The following BRME1 variants were observed in gnomAD, a reference collection of about 807,000 sequenced individuals.
The protein encoded by BRME1 is BRCA2 and MEILB2-associating protein 1.
A neutral mutation model predicts 52.6 loss-of-function variants in BRME1; 31 were observed. That is an observed-to-expected ratio of 0.59 (90% CI 0.44 to 0.80). The LOEUF is 0.80. BRME1 is among the 30% of genes least tolerant of loss of function. The pLI, the probability that BRME1 is intolerant of heterozygous loss-of-function variation, is 0.00. For synonymous variants in BRME1, 359 were observed against 353.6 expected (o/e 1.02, Z -0.17); for missense variants, 804 against 860.3 (o/e 0.93, Z 0.82).
chr19:13,888,594 G>T lies in BRME1; in HGVS notation c.1668+594C>A. The stretch of plus-strand genomic sequence containing the variant: ...GGCACCGGCTCTGGAGCCAGAGGAG[G>T]CCACATCCGGGCAGCCGGTGGGGCG... On this transcript the variant is annotated intron_variant, in intron 6 of 8. Coordinates refer to ENST00000586783, the MANE Select transcript of BRME1 (RefSeq NM_001345843.2). The surrounding 1 kb of genome is among the most constrained non-coding windows in gnomAD (Gnocchi z 4.1). 6.6e-6 allele frequency among the ~76,000 whole-genome samples: 1 copy of T among 152,260 alleles called. No individual in the cohort carries two copies. The highest frequency in any genetic ancestry group is 1.5e-5 in the Non-Finnish European group (1 of 68,040).
intron 3 of BRME1, among the ~76,000 whole-genome samples, chr19:13,894,874 C>G (rs1371805863): frequency 6.6e-6 from 1 of 152,050 alleles, no homozygotes; most frequent in African/African-American, 2.4e-5. Flanking sequence ...TATCTTTGCC[C>G]ACAGTTAAAA....
At chr19:13,893,640 T>C (rs552525371) in intron 3 of BRME1, among the ~76,000 whole-genome samples, 1 of 152,294 alleles carries the variant, frequency 6.6e-6, no homozygotes, top group East Asian at 1.9e-4. Flanking sequence ...AAGAGTCTCC[T>C]AGGCTGGGCG....
In BRME1 at chr19:13,892,798, C is replaced by G. The variant is rs1197997640; in HGVS notation, c.381G>C (p.Gly127=). The change falls in exon 5 of 9, where the codon GGG becomes GGC. Residue 127 remains glycine, a synonymous_variant. Transcript: ENST00000586783. Reference sequence around the variant, plus strand: ...TTTAGAGCCTTACCAGGCTAAAGGCCCCACTCCCACGGTCCTCATCCTTCA... The same window carrying G: ...TTTAGAGCCTTACCAGGCTAAAGGCGCCACTCCCACGGTCCTCATCCTTCA... The part of the protein sequence containing the change: ...EEMKDEDRGS[G]AFSLETIAES... The G allele has an allele frequency of 6.2e-7, 1 of 1,613,946 alleles. No individual in the cohort carries two copies. The highest frequency in any genetic ancestry group is 8.5e-7 in the Non-Finnish European group (1 of 1,179,842).
rs1054676138 is a variant in BRME1, at chr19:13,888,209, A to G, written c.1668+979T>C. Among the ~76,000 whole-genome samples, 25 of 143,986 alleles carry G rather than the reference A, an allele frequency of 1.7e-4. No individual in the cohort carries two copies. The highest frequency in any genetic ancestry group is 6.1e-4 in the African/African-American group (24 of 39,416). The allele number at this position is 143,986 out of a possible 152,430, so 94.5% of individuals were successfully genotyped here. ...TGGGAGCCACTGTGCCTGGCCATGA[A>G]TTTTTTTTTTTTTTTTTAACATCTC... On this transcript the variant is annotated intron_variant, in intron 6 of 8. Coordinates refer to ENST00000586783, the MANE Select transcript of BRME1 (RefSeq NM_001345843.2). The surrounding 1 kb of genome is among the most constrained non-coding windows in gnomAD (Gnocchi z 4.1).
chr19:13,883,001 G>A lies in BRME1; in HGVS notation c.1857-49C>T. 6.3e-7 allele frequency: 1 copy of A among 1,587,702 alleles called. No individual in the cohort carries two copies. The highest frequency in any genetic ancestry group is 8.6e-7 in the Non-Finnish European group (1 of 1,168,534). On this transcript the variant is annotated intron_variant, in intron 8 of 8. Transcript: ENST00000586783. This position sits in a 1 kb window ranked among gnomAD's most constrained non-coding sequence, Gnocchi z 4.2. ...GTGTGGGGCTCAGTGGTCACCAGGTGACAGAGGGGGCCGCGCCTCACAGCC... is the reference window on the plus strand; with the variant it reads ...GTGTGGGGCTCAGTGGTCACCAGGTAACAGAGGGGGCCGCGCCTCACAGCC...
chr19:13,893,318 C>T, intron 3 of BRME1, 95 bp from the exon 4 acceptor site: 1 of 1,062,434 alleles, frequency 9.4e-7, no homozygotes, highest in Non-Finnish European at 1.4e-6. Context: ...GCGGGCAGAT[C>T]ACCGAGGCCA....
intron 2 of BRME1, among the ~76,000 whole-genome samples, chr19:13,902,837 A>T (rs1970391325): frequency 6.6e-6 from 1 of 151,670 alleles, no homozygotes; most frequent in South Asian, 2.1e-4. Context: ...AGGCAGGAGA[A>T]TCGCCTGAAC....
chr19:13,895,224 G>T, intron 3 of BRME1, 148 bp downstream of exon 3: 1 of 749,646 alleles, frequency 1.3e-6, no homozygotes, highest in Non-Finnish European at 2.0e-6. Context: ...GGAGAAGCGA[G>T]ATCCGAGGGC....
Position 13,904,896 on chromosome 19 carries a change from A to C in BRME1, c.-4T>G, listed in dbSNP as rs373922537. 1.8e-5 allele frequency: 29 copies of C among 1,613,440 alleles called. No individual in the cohort carries two copies. Among genetic ancestry groups the C allele is most frequent in the African/African-American group, 4.0e-5 (3 of 74,858 alleles). ...GCAGCTTCTTCCTCTTAGTCATTTT[A>C]TCTTCCCCTTGAGAAATCTGAAAAC... On this transcript the variant is annotated 5_prime_UTR_variant, in exon 2 of 9. Coordinates refer to ENST00000586783, the MANE Select transcript of BRME1 (RefSeq NM_001345843.2).
intron 2 of BRME1, among the ~76,000 whole-genome samples, chr19:13,896,701 C>CT (rs527604127): frequency 1.9e-3 from 279 of 149,024 alleles, no homozygotes; most frequent in Admixed American, 3.0e-3. Context: ...TATATTTTTT[C>CT]TTTTTTTAAG....
At chr19:13,886,153 C>T (rs969372955) in intron 6 of BRME1, 98 bp from the exon 7 acceptor site, 27 of 998,414 alleles carry the variant, frequency 2.7e-5, no homozygotes, top group African/African-American at 8.0e-5. Flanking sequence ...GGCTTCACCG[C>T]GGCCACAGCA....
In BRME1 at chr19:13,890,428, CCTGGACTCTGGGCG is replaced by C; in HGVS notation, c.414_427del (p.Ser138ArgfsTer31). The stretch of plus-strand genomic sequence containing the variant: ...CAGGGTCTCCACTAGCAGCTGGCAT[CCTGGACTCTGGGCG>C]CTGGACTCTGCGATTGTTTCCTGTG... On this transcript the variant is annotated frameshift_variant, in exon 6 of 9. Coordinates refer to ENST00000586783, the MANE Select transcript of BRME1 (RefSeq NM_001345843.2). LOFTEE classifies it high-confidence loss of function. 6.6e-7 allele frequency: 1 copy of C among 1,514,448 alleles called. No individual in the cohort carries two copies. The highest frequency in any genetic ancestry group is 1.3e-5 in the South Asian group (1 of 75,306). The allele number at this position is 1,514,448 out of a possible 1,614,324, so 93.8% of individuals were successfully genotyped here.
In BRME1 at chr19:13,895,377, G is replaced by T; in HGVS notation, c.201C>A (p.Val67=). 6.2e-7 allele frequency: 1 copy of T among 1,612,808 alleles called. No individual in the cohort carries two copies. The highest frequency in any genetic ancestry group is 8.5e-7 in the Non-Finnish European group (1 of 1,179,720). ...QQHGEEPGKA[V]SSSPDEETGS... is the part of the protein sequence containing the mutation. The stretch of plus-strand genomic sequence containing the variant: ...GAATGTTCAGAGCCACCTACCTGGA[G>T]ACGGCCTTTCCTGGTTCCTCCCCGT... Residue 67 remains valine (V), a synonymous_variant, in exon 3 of 9, where the codon GTC becomes GTA. Coordinates refer to ENST00000586783, the MANE Select transcript of BRME1 (RefSeq NM_001345843.2).
At chr19:13,901,144 A>ATTT (rs111701966) in intron 2 of BRME1, among the ~76,000 whole-genome samples, 1 of 142,426 alleles carries the variant, frequency 7.0e-6, no homozygotes, top group Admixed American at 7.1e-5. Context: ...GTTAATTAAA[A>ATTT]TTTTTTTTTT....
At chr19:13,896,915 C>T (rs762231369) in intron 2 of BRME1, among the ~76,000 whole-genome samples, 15 of 151,910 alleles carry the variant, frequency 9.9e-5, no homozygotes, top group Non-Finnish European at 1.8e-4. Context: ...CCAGGCTGGT[C>T]GTGAACTCTG....
At chr19:13,892,219 T>C (rs1013309961) in intron 5 of BRME1, among the ~76,000 whole-genome samples, 2 of 152,206 alleles carry the variant, frequency 1.3e-5, no homozygotes, top group Non-Finnish European at 2.9e-5. Context: ...TAGTTATGCA[T>C]GGTGTTACCA....
In BRME1 at chr19:13,889,620, T is replaced by G. The variant is rs1176082436; in HGVS notation, c.1236A>C (p.Leu412=). 5 of 1,609,428 alleles carry G rather than the reference T, an allele frequency of 3.1e-6. No individual in the cohort carries two copies. Among genetic ancestry groups the G allele is most frequent in the Non-Finnish European group, 4.2e-6 (5 of 1,177,504 alleles). Residue 412 remains leucine, a synonymous_variant, in exon 6 of 9, where the codon CTA becomes CTC. Coordinates refer to ENST00000586783, the MANE Select transcript of BRME1 (RefSeq NM_001345843.2). The part of the protein sequence containing the change: ...GQDGKPPGDV[L]VGPTASLALA... ...GAGCCAGGGAGGCTGTAGGGCCCACTAGGACATCGCCGGGGGGCTTGCCAT... is the reference window on the plus strand; with the variant it reads ...GAGCCAGGGAGGCTGTAGGGCCCACGAGGACATCGCCGGGGGGCTTGCCAT...
chr19:13,902,537 G>A (rs1970366734), intron 2 of BRME1, among the ~76,000 whole-genome samples: 1 of 152,004 alleles, frequency 6.6e-6, no homozygotes, highest in South Asian at 2.1e-4. Flanking sequence ...TTGGGAGGCT[G>A]AGGCAGGAGA....
In BRME1 at chr19:13,890,080, C is replaced by G; in HGVS notation, c.776G>C (p.Arg259Thr). 1.2e-6 allele frequency: 2 copies of G among 1,613,834 alleles called. No homozygotes were observed. The highest frequency in any genetic ancestry group is 1.1e-5 in the South Asian group (1 of 91,078). ...RGAPQEGGAQ[R>T]TAGAGLPGGP... is the part of the protein sequence containing the mutation. ...TCCAGGCAGGCCAGCCCCTGCTGTC[C>G]TTTGGGCCCCTCCCTCCTGGGGGGC... The change falls in exon 6 of 9, where the codon AGG (arginine) becomes ACG (threonine). Residue 259 changes from arginine to threonine, a missense_variant. By Grantham distance (71) the Arg-to-Thr change is moderately conservative. Transcript: ENST00000586783.
Sources: gnomAD v4.1 joint callset for allele counts (sites outside exome capture counted in the v4.1 genomes callset) on GRCh38, gnomAD v4.1.1 for gene constraint, Gnocchi (gnomAD v3.1) non-coding constraint, MANE v1.5 for transcripts, NCBI Gene and HGNC (gene_info 2026-07-23, HGNC 2026-07-21) for gene names.